NYAP2: variants seen among roughly 807,000 people sequenced by gnomAD.
The protein encoded by NYAP2 is neuronal tyrosine-phosphorylated phosphoinositide-3-kinase adaptor 2.
NYAP2 carries 23 observed loss-of-function variants against 50.4 expected under a neutral mutation model. That is an observed-to-expected ratio of 0.46 (90% CI 0.33 to 0.65). The LOEUF (loss-of-function observed/expected upper bound fraction) is 0.65, where lower values mean the gene tolerates loss of function less well. Ranked by LOEUF, NYAP2 falls within the 30% of genes least tolerant of loss-of-function variation. NYAP2 has a pLI of 0.02. For missense variants in NYAP2, 885 were observed against 861.0 expected (o/e 1.03, Z -0.35); for synonymous variants, 394 against 365.2 (o/e 1.08, Z -0.90).
the NYAP2 span, among the ~76,000 whole-genome samples, chr2:225,691,818 C>T: frequency 1.3e-5 from 2 of 152,178 alleles, no homozygotes; most frequent in East Asian, 1.9e-4. Flanking sequence ...AGAAACTTCC[C>T]TTAAAGGGAA....
rs569127977 is a variant in NYAP2, at chr2:225,507,784, C to T, written c.222-5587C>T. 2.0e-5 allele frequency among the ~76,000 whole-genome samples: 3 copies of T among 152,336 alleles called. No homozygotes were observed. The East Asian group carries it at 5.8e-4, about 29-fold the overall frequency. ...TGACTGCATTTTATATATCAGACTG[C>T]TAAATGCTTCATATGCAGTATATCA... On this transcript the variant is annotated intron_variant, in intron 3 of 6. Transcript: ENST00000636099.
chr2:225,410,805 G>A (rs1002311310), intron 3 of NYAP2, among the ~76,000 whole-genome samples: 9 of 151,964 alleles, frequency 5.9e-5, no homozygotes, highest in African/African-American at 2.2e-4. Context: ...ACTGTCAAGT[G>A]TTCAAAAAGG....
chr2:225,470,639 G>A (rs981538721), intron 3 of NYAP2, among the ~76,000 whole-genome samples: 8 of 152,158 alleles, frequency 5.3e-5, no homozygotes, highest in South Asian at 2.1e-4. Context: ...GAAATTATAC[G>A]TGCTGTCTTA....
intron 4 of NYAP2, among the ~76,000 whole-genome samples, chr2:225,569,721 AGGTTAAGTAGT>A (rs1692032448): frequency 6.6e-6 from 1 of 152,186 alleles, no homozygotes; most frequent in African/African-American, 2.4e-5. Flanking sequence ...ATGAACAAAC[AGGTTAAGTAGT>A]GGTTCAAGAT....
intron 5 of NYAP2, among the ~76,000 whole-genome samples, chr2:225,590,520 A>G (rs576125978): frequency 3.7e-4 from 56 of 152,342 alleles, no homozygotes; most frequent in African/African-American, 1.3e-3. Flanking sequence ...TTGACTGTTT[A>G]ATGATAATCC....
At chr2:225,616,081 T>C (rs1692984734) in intron 5 of NYAP2, among the ~76,000 whole-genome samples, 1 of 152,206 alleles carries the variant, frequency 6.6e-6, no homozygotes, top group Non-Finnish European at 1.5e-5. Context: ...ACTTTTTGCA[T>C]ATTCCACTTG....
Position 225,535,034 on chromosome 2 carries a change from C to T in NYAP2, c.523+21362C>T, listed in dbSNP as rs114246063. ...GAAAACTGTCCCCAGGAGTTTCTCA[C>T]CAGAGATACTGCACTGCACTACATA... is the stretch of plus-strand genomic sequence containing the variant. On this transcript the variant is annotated intron_variant, in intron 4 of 6. Coordinates refer to ENST00000636099, the Ensembl canonical transcript of NYAP2. Among the ~76,000 whole-genome samples, 817 of 152,266 alleles carry T rather than the reference C, an allele frequency of 5.4e-3. 5 individuals are homozygous for T. Among genetic ancestry groups the T allele is most frequent in the African/African-American group, 0.019 (781 of 41,558 alleles).
At chr2:225,555,458 A>C (rs1245076315) in intron 4 of NYAP2, among the ~76,000 whole-genome samples, 1 of 152,130 alleles carries the variant, frequency 6.6e-6, no homozygotes, top group Non-Finnish European at 1.5e-5. Flanking sequence ...TCTCTTAGTG[A>C]TAGTCTCAGG....
intron 5 of NYAP2, among the ~76,000 whole-genome samples, chr2:225,609,078 C>A (rs566210473): frequency 1.3e-5 from 2 of 152,206 alleles, no homozygotes; most frequent in African/African-American, 4.8e-5. Context: ...GCTCAAAATT[C>A]TTTAATTGAC....
intron 5 of NYAP2, among the ~76,000 whole-genome samples, chr2:225,611,520 G>A (rs1040067369): frequency 4.0e-5 from 6 of 151,568 alleles, no homozygotes; most frequent in East Asian, 1.9e-4. Flanking sequence ...CCCTCTGCCC[G>A]CAAAACTAAT....
chr2:225,436,990 T>C (rs749764610), intron 3 of NYAP2, among the ~76,000 whole-genome samples: 6 of 151,704 alleles, frequency 4.0e-5, no homozygotes, highest in Non-Finnish European at 8.8e-5. Context: ...GCCATAGAAG[T>C]CACCCTGAGG....
chr2:225,671,863 C>A, the NYAP2 span, among the ~76,000 whole-genome samples: 9 of 152,060 alleles, frequency 5.9e-5, no homozygotes, highest in Non-Finnish European at 1.0e-4. Flanking sequence ...TATTGAGTGA[C>A]CAGGTGCATT....
At chr2:225,399,214 T>G (rs768080019), upstream of NYAP2, among the ~76,000 whole-genome samples, 22 of 152,074 alleles carry the variant, frequency 1.4e-4, no homozygotes, top group Non-Finnish European at 2.2e-4. Flanking sequence ...TAAGCTCATA[T>G]CCATCAGAAA....
chr2:225,596,759 A>G (rs1184215014), intron 5 of NYAP2, among the ~76,000 whole-genome samples: 4 of 152,194 alleles, frequency 2.6e-5, no homozygotes, highest in Non-Finnish European at 5.9e-5. Context: ...TGGAGAATCC[A>G]GGTTTAGATT....
chr2:225,640,380 T>C (rs1386953436), intron 6 of NYAP2, among the ~76,000 whole-genome samples: 1 of 152,212 alleles, frequency 6.6e-6, no homozygotes. Context: ...TATGTATGCT[T>C]GTCTTTCTTT....
chr2:225,519,335 A>G (rs1691004059), intron 4 of NYAP2, among the ~76,000 whole-genome samples: 1 of 151,500 alleles, frequency 6.6e-6, no homozygotes, highest in Non-Finnish European at 1.5e-5. Flanking sequence ...GGTTAGTTAC[A>G]TATGTATACA....
At chr2:225,504,060 A>T (rs1690656844) in intron 3 of NYAP2, among the ~76,000 whole-genome samples, 1 of 152,252 alleles carries the variant, frequency 6.6e-6, no homozygotes, top group African/African-American at 2.4e-5. Flanking sequence ...AAATTGATAC[A>T]GAGTTAGGTA....
At chr2:225,485,661 G>A (rs1420409372) in intron 3 of NYAP2, among the ~76,000 whole-genome samples, 2 of 152,188 alleles carry the variant, frequency 1.3e-5, no homozygotes, top group African/African-American at 2.4e-5. Flanking sequence ...CACATAAAAT[G>A]TATTTAAATT....
the NYAP2 span, among the ~76,000 whole-genome samples, chr2:225,668,095 C>T: frequency 6.6e-6 from 1 of 152,168 alleles, no homozygotes; most frequent in Non-Finnish European, 1.5e-5. Context: ...TACGACATTA[C>T]ATATAGTTTT....
Sources: allele counts gnomAD v4.1 joint callset (sites outside exome capture counted in the v4.1 genomes callset), GRCh38; gene constraint gnomAD v4.1.1; transcripts MANE v1.5; gene names NCBI Gene and HGNC (gene_info 2026-07-23, HGNC 2026-07-21).